CARS1: variants seen among roughly 807,000 people sequenced by gnomAD.
CARS1 encodes the protein cysteinyl-tRNA synthetase 1.
Under a neutral mutation model 106.2 loss-of-function variants are expected in CARS1, and 48 were observed. The ratio of observed to expected loss-of-function variants is 0.45; its 90% CI spans 0.36 to 0.57. CARS1 has a LOEUF of 0.57. Ranked by LOEUF, CARS1 falls within the 20% of genes least tolerant of loss-of-function variation. CARS1 has a pLI of 0.00. For synonymous variants in CARS1, 409 were observed against 403.4 expected, an observed-to-expected ratio of 1.01 and a Z score of -0.17; for missense variants, 968 against 1,057.2, an observed-to-expected ratio of 0.92 and a Z score of 1.17.
In CARS1 at chr11:3,015,786, G is replaced by A. The variant is rs973388618; in HGVS notation, c.1981C>T (p.Leu661Phe). 1.9e-6 allele frequency: 3 copies of A among 1,613,906 alleles called. No individual in the cohort carries two copies. The highest frequency in any genetic ancestry group is 1.3e-5 in the African/African-American group (1 of 74,934). ...GGACCCTGCATGCTACTCACACTGA[G>A]GCTGGTTCCAGGCCCTCCGACCGGG... is the stretch of plus-strand genomic sequence containing the variant. ...GFPVGGPGTS[L>F]SLEATVMPYL... The change falls in exon 17 of 23, where the codon CTC becomes TTC. Residue 661 changes from leucine (L) to phenylalanine (F), a missense_variant. Transcript: ENST00000380525.
At position 3,041,667 on chromosome 11, in the gene CARS1, G is replaced by A. The variant is rs1854471684; in HGVS notation, c.366+498C>T. On this transcript the variant is annotated intron_variant, in intron 3 of 22. Transcript: ENST00000380525. This position sits in a 1 kb window ranked among gnomAD's most constrained non-coding sequence, Gnocchi z 4.9. ...CAGAGCCTGGTCTGAAATCACTGGAGTCACTGGCCATGCCCTGAGCCAAGC... is the reference window on the plus strand; with the variant it reads ...CAGAGCCTGGTCTGAAATCACTGGAATCACTGGCCATGCCCTGAGCCAAGC... Among the ~76,000 whole-genome samples the A allele has an allele frequency of 1.3e-5, 2 of 152,122 alleles. No homozygotes were observed. The highest frequency in any genetic ancestry group is 2.9e-5 in the Non-Finnish European group (2 of 68,014).
rs992648495 is a variant in CARS1, at chr11:3,021,429, C to T, written c.1154-1097G>A. Among the ~76,000 whole-genome samples, 1 of 152,202 alleles carries T rather than the reference C, an allele frequency of 6.6e-6. No individual in the cohort carries two copies. Among genetic ancestry groups the T allele is most frequent in the African/African-American group, 2.4e-5 (1 of 41,448 alleles). ...ACAGACTCCATCTAGGGTTCTAACT[C>T]AGGTGACCCTGAAGAAGCTGCAGTG... On this transcript the variant is annotated intron_variant, in intron 10 of 22. Coordinates refer to ENST00000380525, the MANE Select transcript of CARS1 (RefSeq NM_001014437.3). The surrounding 1 kb of genome is among the most constrained non-coding windows in gnomAD (Gnocchi z 5.3).
At chr11:3,002,710 G>A in intron 20 of CARS1, 110 bp from the exon 21 acceptor site, 1 of 1,537,802 alleles carries the variant, frequency 6.5e-7, no homozygotes, top group Admixed American at 1.9e-5. Flanking sequence ...TGGCATGGAG[G>A]GCTGAACTCT....
In CARS1 at chr11:3,021,543, G is replaced by C. The variant is rs967822915; in HGVS notation, c.1154-1211C>G. Among the ~76,000 whole-genome samples, 1 of 152,146 alleles carries C rather than the reference G, an allele frequency of 6.6e-6. No homozygotes were observed. The highest frequency in any genetic ancestry group is 2.1e-4 in the South Asian group (1 of 4,828). On this transcript the variant is annotated intron_variant, in intron 10 of 22. Transcript: ENST00000380525. The surrounding 1 kb of genome is among the most constrained non-coding windows in gnomAD (Gnocchi z 5.3). ...CTGAGAAACAGAGTCCAGAGGAAAA[G>C]CACCGCTAAATATATTTTTCTAAAC...
Position 3,024,664 on chromosome 11 carries a change from T to C in CARS1, c.1153+2012A>G, listed in dbSNP as rs536834146. On this transcript the variant is annotated intron_variant, in intron 10 of 22. Transcript: ENST00000380525. ...GGTCTCCCTATGTTGCCCAGGTTGG[T>C]CTGGAACTCCTGGGCTCAAGCGATC... Among the ~76,000 whole-genome samples the C allele has an allele frequency of 1.4e-4, 22 of 152,126 alleles. No homozygotes were observed. In the South Asian group the frequency reaches 4.6e-3, roughly 32 times the overall value.
At chr11:3,016,658 C>T (rs1851041678) in intron 16 of CARS1, among the ~76,000 whole-genome samples, 1 of 152,140 alleles carries the variant, frequency 6.6e-6, no homozygotes. Context: ...CCCTCTATTG[C>T]CCAGAGTGGA....
At chr11:3,055,141 G>C in intron 1 of CARS1, 1 of 595,610 alleles carries the variant, frequency 1.7e-6, no homozygotes, top group Non-Finnish European at 3.0e-6. Context: ...TGGGAAGATG[G>C]TCACTGAAAG....
At chr11:3,026,210 G>T (rs1023757617) in intron 10 of CARS1, among the ~76,000 whole-genome samples, 1 of 152,180 alleles carries the variant, frequency 6.6e-6, no homozygotes, top group Non-Finnish European at 1.5e-5. Context: ...GTCAGGGGCA[G>T]TGAGTGGAGA....
At chr11:3,005,633 T>C (rs1849789150) in intron 19 of CARS1, among the ~76,000 whole-genome samples, 200 bp from the exon 20 acceptor site, 1 of 57,936 alleles carries the variant, frequency 1.7e-5, no homozygotes, top group Non-Finnish European at 3.9e-5. Flanking sequence ...TGTGTGTGAT[T>C]TTTTTTTTTT....
rs1418182704 is a variant in CARS1, at chr11:3,046,404, G to A, written c.274+1349C>T. 4.6e-5 allele frequency among the ~76,000 whole-genome samples: 7 copies of A among 152,166 alleles called. No homozygotes were observed. ...CTGACACCCGAGCCCTTGGAGAGAA[G>A]GCACCTCACAGCACAGGTGTCACTT... On this transcript the variant is annotated intron_variant, in intron 2 of 22. Coordinates refer to ENST00000380525, the MANE Select transcript of CARS1 (RefSeq NM_001014437.3). The surrounding 1 kb of genome is among the most constrained non-coding windows in gnomAD (Gnocchi z 5.8).
chr11:3,017,543 T>G lies in CARS1; in HGVS notation c.1728-248A>C. On this transcript the variant is annotated intron_variant, in intron 15 of 22. Transcript: ENST00000380525. The surrounding 1 kb of genome is among the most constrained non-coding windows in gnomAD (Gnocchi z 4.9). Reference sequence around the variant, plus strand: ...CTGTAACCCCAGCTACTCGGGAGGCTGAGGCAGGAGAATCGCTCGAACCCG... The same window carrying G: ...CTGTAACCCCAGCTACTCGGGAGGCGGAGGCAGGAGAATCGCTCGAACCCG... 3 of 559,634 alleles carry G rather than the reference T, an allele frequency of 5.4e-6. No individual in the cohort carries two copies. In the Middle Eastern group the frequency reaches 1.4e-3, roughly 264 times the overall value. The allele number at this position is 559,634 out of a possible 1,614,324, so 34.7% of individuals were successfully genotyped here.
chr11:3,005,541 G>A, intron 19 of CARS1, 108 bp from the exon 20 acceptor site: 2 of 748,662 alleles, frequency 2.7e-6, no homozygotes, highest in South Asian at 3.4e-5. Context: ...GTGCTGCCCA[G>A]TCAGAGCGAG....
At chr11:3,018,040 T>C (rs936138368) in intron 14 of CARS1, 86 bp from the exon 15 acceptor site, 242 of 841,330 alleles carry the variant, frequency 2.9e-4, no homozygotes, top group Non-Finnish European at 3.2e-4. Flanking sequence ...GCTGTGATTT[T>C]ATTTTTGGTA....
rs1246477050 is a variant in CARS1 at position 3,040,480 on chromosome 11, C to G, written c.455+416G>C. The G allele has an allele frequency of 4.3e-6, 2 of 469,128 alleles. No individual in the cohort carries two copies. The highest frequency in any genetic ancestry group is 3.9e-5 in the African/African-American group (2 of 50,674). The allele number at this position is 469,128 out of a possible 1,614,324, so 29.1% of individuals were successfully genotyped here. A position where few individuals can be genotyped will look rare whatever the true frequency, so the allele number is the denominator to read the frequency against. ...GCCAGCTACTCGTCAGGAGCTACAG[C>G]CATGACCATCCAGTGGTCGGGGGGC... On this transcript the variant is annotated intron_variant, in intron 4 of 22. Coordinates refer to ENST00000380525, the MANE Select transcript of CARS1 (RefSeq NM_001014437.3). The surrounding 1 kb of genome is among the most constrained non-coding windows in gnomAD (Gnocchi z 5.8).
rs1174545744 is a variant in CARS1 at position 3,001,056 on chromosome 11, C to A, written c.*58G>T. ...TGATAGGAGCGCTGGGACATTGTCA[C>A]TGAGGCAGACAGCAGCCACTAGTCC... On this transcript the variant is annotated 3_prime_UTR_variant, in exon 23 of 23. Coordinates refer to ENST00000380525, the MANE Select transcript of CARS1 (RefSeq NM_001014437.3). The A allele has an allele frequency of 1.3e-6, 2 of 1,593,132 alleles. No homozygotes were observed. Among genetic ancestry groups the A allele is most frequent in the Middle Eastern group, 1.7e-4 (1 of 6,052 alleles).
At chr11:3,056,255 T>G (rs1056765270) in intron 1 of CARS1, among the ~76,000 whole-genome samples, 1 of 152,080 alleles carries the variant, frequency 6.6e-6, no homozygotes, top group African/African-American at 2.4e-5. Context: ...AAACTGAGGG[T>G]GGGGGCTGGA....
At chr11:3,001,379 G>T in intron 22 of CARS1, 131 bp from the exon 23 acceptor site, 1 of 1,025,958 alleles carries the variant, frequency 9.7e-7, no homozygotes, top group Non-Finnish European at 1.4e-6. Flanking sequence ...TGGACATTCA[G>T]TCACCACACT....
intron 22 of CARS1, among the ~76,000 whole-genome samples, chr11:3,001,478 C>A (rs945251327): frequency 6.6e-6 from 1 of 152,120 alleles, no homozygotes; most frequent in African/African-American, 2.4e-5. Context: ...GTGCTTCCTG[C>A]CTAAGGTGAG....
At chr11:3,010,894 C>T (rs561303825) in intron 18 of CARS1, among the ~76,000 whole-genome samples, 79 of 152,316 alleles carry the variant, frequency 5.2e-4, no homozygotes, top group Non-Finnish European at 9.6e-4. Flanking sequence ...GATGCTGCCC[C>T]ACTGTGACCC....
Sources: gnomAD v4.1 joint callset for allele counts (sites outside exome capture counted in the v4.1 genomes callset) on GRCh38, gnomAD v4.1.1 for gene constraint, Gnocchi (gnomAD v3.1) non-coding constraint, MANE v1.5 for transcripts, NCBI Gene and HGNC (gene_info 2026-07-23, HGNC 2026-07-21) for gene names.